The following SH3GL2 variants were observed in gnomAD, a reference collection of about 807,000 sequenced individuals.
SH3GL2 encodes the protein SH3 domain containing GRB2 like 2, endophilin A1, also known as endophilin-A1.
Under a neutral mutation model 46.0 loss-of-function variants are expected in SH3GL2, and 24 were observed. The observed-to-expected ratio is 0.52, with a 90% CI of 0.38 to 0.73. The LOEUF (loss-of-function observed/expected upper bound fraction) is 0.73. SH3GL2 is among the 30% of genes least tolerant of loss of function. The pLI, the probability that SH3GL2 is intolerant of heterozygous loss-of-function variation, is 0.00. For missense variants in SH3GL2, 413 were observed against 424.2 expected (o/e 0.97, Z 0.23); for synonymous variants, 196 against 147.1 (o/e 1.33, Z -2.40).
At chr9:17,756,750 A>G (rs1273434736) in intron 2 of SH3GL2, among the ~76,000 whole-genome samples, 1 of 151,982 alleles carries the variant, frequency 6.6e-6, no homozygotes, top group Non-Finnish European at 1.5e-5. Context: ...GTTGGTTCCA[A>G]GTCTTTGCTG....
intron 1 of SH3GL2, among the ~76,000 whole-genome samples, chr9:17,738,842 A>C (rs1351457162): frequency 6.6e-6 from 1 of 151,850 alleles, no homozygotes; most frequent in Non-Finnish European, 1.5e-5. Context: ...GGGCTTTTCC[A>C]TTGATTGGAT....
At chr9:17,633,614 T>G in intron 1 of SH3GL2, among the ~76,000 whole-genome samples, 1 of 152,138 alleles carries the variant, frequency 6.6e-6, no homozygotes, top group Non-Finnish European at 1.5e-5. Context: ...TGTAGTAGAG[T>G]TTTGAAGTTA....
At chr9:17,705,036 CTTAAA>C (rs1821434163) in intron 1 of SH3GL2, among the ~76,000 whole-genome samples, 1 of 148,072 alleles carries the variant, frequency 6.8e-6, no homozygotes, top group Non-Finnish European at 1.5e-5. Flanking sequence ...TTATAAGGAA[CTTAAA>C]TTTACAAACA....
At chr9:17,704,313 A>G (rs1821413327) in intron 1 of SH3GL2, among the ~76,000 whole-genome samples, 1 of 152,226 alleles carries the variant, frequency 6.6e-6, no homozygotes, top group South Asian at 2.1e-4. Context: ...AATGGAAAAT[A>G]TTTTATGCTC....
At chr9:17,772,631 T>G (rs796085733) in intron 3 of SH3GL2, among the ~76,000 whole-genome samples, 67 of 152,356 alleles carry the variant, frequency 4.4e-4, no homozygotes, top group African/African-American at 1.6e-3. Context: ...TCACTTGGCA[T>G]AATGTCCCAA....
intron 1 of SH3GL2, among the ~76,000 whole-genome samples, chr9:17,695,772 C>G (rs973122266): frequency 2.0e-5 from 3 of 148,780 alleles, no homozygotes; most frequent in African/African-American, 7.8e-5. Flanking sequence ...AAAAATCTAT[C>G]CAGATTTTTT....
chr9:17,670,343 A>T (rs1442851165), intron 1 of SH3GL2, among the ~76,000 whole-genome samples: 1 of 152,198 alleles, frequency 6.6e-6, no homozygotes. Context: ...TTTTGTTAGA[A>T]GGGAAGTTCT....
chr9:17,699,729 T>C (rs1821299428), intron 1 of SH3GL2, among the ~76,000 whole-genome samples: 2 of 152,226 alleles, frequency 1.3e-5, no homozygotes, highest in Non-Finnish European at 2.9e-5. Context: ...GCTCTATTAG[T>C]TCAGTGCATC....
intron 1 of SH3GL2, among the ~76,000 whole-genome samples, chr9:17,599,620 A>T (rs920869061): frequency 6.6e-6 from 1 of 152,222 alleles, no homozygotes; most frequent in Admixed American, 6.5e-5. Context: ...ATGGAGTTTT[A>T]TGAGGCAAAT....
At chr9:17,758,096 C>T (rs1275131209) in intron 2 of SH3GL2, among the ~76,000 whole-genome samples, 1 of 152,130 alleles carries the variant, frequency 6.6e-6, no homozygotes, top group Admixed American at 6.6e-5. Context: ...TTAAAGAAAG[C>T]CTCTGATTAA....
chr9:17,710,161 G>T (rs781346503), intron 1 of SH3GL2, among the ~76,000 whole-genome samples: 1 of 151,916 alleles, frequency 6.6e-6, no homozygotes, highest in Non-Finnish European at 1.5e-5. Context: ...AATTGTGAGT[G>T]AGTTCTCACA....
intron 1 of SH3GL2, among the ~76,000 whole-genome samples, chr9:17,586,246 T>C (rs1818375692): frequency 6.6e-6 from 1 of 152,164 alleles, no homozygotes; most frequent in East Asian, 1.9e-4. Flanking sequence ...GGTCAAATTG[T>C]ATATAGTAGT....
At position 17,675,152 on chromosome 9, in the gene SH3GL2, T is replaced by A. The variant is rs182197424; in HGVS notation, c.46-71914T>A. Among the ~76,000 whole-genome samples, 47 of 152,322 alleles carry A rather than the reference T, an allele frequency of 3.1e-4. No homozygotes were observed. The East Asian group carries it at 7.9e-3, about 26-fold the overall frequency. ...GTAGTCATCTCACATGCTTTAAACT[T>A]CGTATGTCTTATTTCCTTCCTTAGT... On this transcript the variant is annotated intron_variant, in intron 1 of 8. Coordinates refer to ENST00000380607, the MANE Select transcript of SH3GL2 (RefSeq NM_003026.5).
rs554854547 is a variant in SH3GL2, at chr9:17,597,293, G to A, written c.45+18006G>A. ...TCCCAGCACTTTGGGAGGCTGAGGC[G>A]GGCAGATCACTTGAGTTCAGGAGTT... On this transcript the variant is annotated intron_variant, in intron 1 of 8. Transcript: ENST00000380607. Among the ~76,000 whole-genome samples the A allele has an allele frequency of 1.4e-4, 22 of 152,242 alleles. No homozygotes were observed. In the East Asian group the frequency reaches 4.3e-3, roughly 29 times the overall value.
At chr9:17,643,389 C>T (rs12003925) in intron 1 of SH3GL2, among the ~76,000 whole-genome samples, 12 of 152,168 alleles carry the variant, frequency 7.9e-5, no homozygotes, top group African/African-American at 2.9e-4. Flanking sequence ...TTTCTCTTGC[C>T]TTATTGCCCT....
At chr9:17,588,671 C>A (rs1188456329) in intron 1 of SH3GL2, among the ~76,000 whole-genome samples, 1 of 152,200 alleles carries the variant, frequency 6.6e-6, no homozygotes, top group Admixed American at 6.5e-5. Context: ...CCCCAAGCTT[C>A]CAGATAAGAG....
chr9:17,776,626 G>A (rs956550786), intron 3 of SH3GL2, among the ~76,000 whole-genome samples: 1 of 150,400 alleles, frequency 6.6e-6, no homozygotes, highest in East Asian at 2.0e-4. Flanking sequence ...ATATGAGTGT[G>A]TTATGTTATT....
intron 1 of SH3GL2, among the ~76,000 whole-genome samples, chr9:17,628,023 G>C (rs959071781): frequency 1.3e-5 from 2 of 152,210 alleles, no homozygotes; most frequent in Non-Finnish European, 2.9e-5. Flanking sequence ...AGAGCTCTAA[G>C]TTCTTTTGGG....
At chr9:17,776,368 C>G (rs1464743429) in intron 3 of SH3GL2, among the ~76,000 whole-genome samples, 1 of 152,088 alleles carries the variant, frequency 6.6e-6, no homozygotes, top group Admixed American at 6.6e-5. Context: ...GGGACTAAAC[C>G]CCCTTAGAAA....
Sources: gnomAD v4.1 joint callset for allele counts (sites outside exome capture counted in the v4.1 genomes callset) on GRCh38, gnomAD v4.1.1 for gene constraint, MANE v1.5 for transcripts, NCBI Gene and HGNC (gene_info 2026-07-23, HGNC 2026-07-21) for gene names.